Variants in ASRGL1 observed in about 807,000 individuals in gnomAD.
ASRGL1 encodes asparaginase and isoaspartyl peptidase 1, also known as isoaspartyl peptidase/L-asparaginase.
Under a neutral mutation model 22.4 loss-of-function variants are expected in ASRGL1, and 16 were observed. The observed-to-expected ratio is 0.71, with a 90% CI of 0.48 to 1.08. The LOEUF is 1.08. ASRGL1 is among the 50% of genes least tolerant of loss of function. The pLI, the probability that ASRGL1 is intolerant of heterozygous loss-of-function variation, is 0.00. For missense variants in ASRGL1, 412 were observed against 410.1 expected, an observed-to-expected ratio of 1.00 and a Z score of -0.04; for synonymous variants, 165 against 159.3, an observed-to-expected ratio of 1.04 and a Z score of -0.27.
chr11:62,397,664 CAAA>C (rs34199101), downstream of ASRGL1, among the ~76,000 whole-genome samples: 5 of 75,628 alleles, frequency 6.6e-5, no homozygotes, highest in African/African-American at 8.5e-5. Context: ...AACTCCGTCT[CAAA>C]AAAAAAAAAA....
At chr11:62,371,953 CAAAAAA>C (rs35892721) in intron 4 of ASRGL1, 56 of 423,148 alleles carry the variant, frequency 1.3e-4, no homozygotes, top group Middle Eastern at 6.2e-4. Flanking sequence ...GACTCCGTCT[CAAAAAA>C]AAAAAAAAAA....
chr11:62,339,725 AATT>A (rs1477645320), intron 2 of ASRGL1, among the ~76,000 whole-genome samples: 5 of 152,188 alleles, frequency 3.3e-5, no homozygotes, highest in Non-Finnish European at 7.3e-5. Context: ...AGTTAGGCAT[AATT>A]ATTATCCTCA....
At chr11:62,373,445 CTT>C (rs1565168527) in intron 4 of ASRGL1, among the ~76,000 whole-genome samples, 2 of 152,030 alleles carry the variant, frequency 1.3e-5, no homozygotes, top group African/African-American at 4.8e-5. Flanking sequence ...GAGGCAGAAA[CTT>C]TGAGCAATCT....
chr11:62,371,202 CAG>C, intron 4 of ASRGL1: 1 of 1,258,230 alleles, frequency 7.9e-7, no homozygotes, highest in Non-Finnish European at 1.0e-6. Flanking sequence ...CTGCCCACGC[CAG>C]GGCCCAGGAA....
chr11:62,370,612 T>C (rs1003356913), intron 4 of ASRGL1, among the ~76,000 whole-genome samples: 2 of 152,148 alleles, frequency 1.3e-5, no homozygotes, highest in Admixed American at 6.5e-5. Context: ...GTCTAAACTT[T>C]CTGTTAAGTC....
chr11:62,361,804 TAGTTACTC>T (rs1248509228), intron 4 of ASRGL1, among the ~76,000 whole-genome samples: 1 of 152,058 alleles, frequency 6.6e-6, no homozygotes, highest in African/African-American at 2.4e-5. Flanking sequence ...TTTAATAAAA[TAGTTACTC>T]AGTTCAACTA....
intron 4 of ASRGL1, chr11:62,373,281 C>T (rs182814901): frequency 1.0e-4 from 69 of 672,272 alleles, no homozygotes; most frequent in Non-Finnish European, 1.6e-4. Context: ...AAAAGTGGAC[C>T]GAAGGTGCAT....
In ASRGL1 at chr11:62,357,115, A is replaced by G; in HGVS notation, c.462A>G (p.Glu154=). The part of the protein sequence containing the change: ...NKKRLEKEKH[E]KGAQKTDCQK... ...AGCGCCTGGAAAAAGAGAAGCATGA[A>G]AAAGGTGCTCAGAAAACAGATTGTC... is the stretch of plus-strand genomic sequence containing the variant. Residue 154 remains glutamate (E), a synonymous_variant, in exon 4 of 7, where the codon GAA becomes GAG. Transcript: ENST00000415229. 1.2e-6 allele frequency: 2 copies of G among 1,613,964 alleles called. No homozygotes were observed. The highest frequency in any genetic ancestry group is 1.7e-6 in the Non-Finnish European group (2 of 1,179,978).
intron 4 of ASRGL1, 33 bp from the exon 5 acceptor site, chr11:62,389,100 G>A (rs74692811): frequency 0.12 from 180,662 of 1,557,642 alleles, 12,161 homozygotes; most frequent in African/African-American, 0.27. Context: ...CTCATTTTCA[G>A]CCTGTCACTT....
chr11:62,371,115 A>G (rs1473415225), intron 4 of ASRGL1: 6 of 793,600 alleles, frequency 7.6e-6, no homozygotes, highest in Non-Finnish European at 1.1e-5. Context: ...GTTTCTCATC[A>G]CTCCAACCAG....
At chr11:62,385,670 G>A (rs111827495) in intron 4 of ASRGL1, among the ~76,000 whole-genome samples, 1 of 151,922 alleles carries the variant, frequency 6.6e-6, no homozygotes, top group African/African-American at 2.4e-5. Flanking sequence ...TTTGAGACCA[G>A]CCTGACCAAC....
downstream of ASRGL1, among the ~76,000 whole-genome samples, chr11:62,396,185 G>A (rs1415563024): frequency 6.6e-6 from 1 of 151,830 alleles, no homozygotes; most frequent in Non-Finnish European, 1.5e-5. Flanking sequence ...GAGGAATGGG[G>A]ATGGGCAGAA....
intron 4 of ASRGL1, chr11:62,372,650 G>T: frequency 1.0e-6 from 1 of 972,658 alleles, no homozygotes; most frequent in South Asian, 1.3e-5. Context: ...TGGACTCCCA[G>T]AAGTGAGTCT....
At position 62,358,371 on chromosome 11, in the gene ASRGL1, G is replaced by GAAAA. The variant is rs34743439; in HGVS notation, c.491+1244_491+1247dup. Reference sequence around the variant, plus strand: ...GGCAACAAAGCGAGACTCCGTCTCAGAAAAAAAAAAAAAAAAAAAAGATTG... The same window carrying GAAAA: ...GGCAACAAAGCGAGACTCCGTCTCAGAAAAAAAAAAAAAAAAAAAAAAAAGATTG... On this transcript the variant is annotated intron_variant, in intron 4 of 6. Transcript: ENST00000415229. 3.0e-3 allele frequency among the ~76,000 whole-genome samples: 340 copies of GAAAA among 111,798 alleles called. 8 individuals are homozygous for GAAAA. The highest frequency in any genetic ancestry group is 4.8e-3 in the Non-Finnish European group (281 of 58,006). The allele number at this position is 111,798 out of a possible 152,430, so 73.3% of individuals were successfully genotyped here. A position where few individuals can be genotyped will look rare whatever the true frequency, so the allele number is the denominator to read the frequency against.
rs977443293 is a variant in ASRGL1 at position 62,356,162 on chromosome 11, G to A, written c.191-163G>A. On this transcript the variant is annotated intron_variant, in intron 2 of 6. Coordinates refer to ENST00000415229, the MANE Select transcript of ASRGL1 (RefSeq NM_001083926.2). Reference sequence around the variant, plus strand: ...TACACCTCCCAGACAGGGTGGTGGCGGGGCAGAGGGGCTCCTCACTTCCCA... The same window carrying A: ...TACACCTCCCAGACAGGGTGGTGGCAGGGCAGAGGGGCTCCTCACTTCCCA... Among the ~76,000 whole-genome samples the A allele has an allele frequency of 2.6e-5, 4 of 152,116 alleles. No individual in the cohort carries two copies. In the South Asian group the frequency reaches 6.2e-4, roughly 24 times the overall value.
intron 2 of ASRGL1, among the ~76,000 whole-genome samples, chr11:62,346,527 G>C (rs966074194): frequency 7.2e-5 from 11 of 152,180 alleles, no homozygotes; most frequent in African/African-American, 2.7e-4. Flanking sequence ...TGAAGCCCCT[G>C]ATTCTGTGAC....
At position 62,390,139 on chromosome 11, in the gene ASRGL1, CTG is replaced by C. The variant is rs377411495; in HGVS notation, c.610+891_610+892del. ...TCTCCTTGGCAAAAATCCCACCAAA[CTG>C]TGCCTGGTCAGTAGTGCAGCTTGCT... On this transcript the variant is annotated intron_variant, in intron 5 of 6. Coordinates refer to ENST00000415229, the MANE Select transcript of ASRGL1 (RefSeq NM_001083926.2). 4.6e-3 allele frequency among the ~76,000 whole-genome samples: 703 copies of C among 152,362 alleles called. 10 individuals are homozygous for C. The highest frequency in any genetic ancestry group is 0.016 in the African/African-American group (674 of 41,592).
At chr11:62,354,964 C>T (rs1011074282) in intron 2 of ASRGL1, among the ~76,000 whole-genome samples, 2 of 151,466 alleles carry the variant, frequency 1.3e-5, no homozygotes, top group South Asian at 2.1e-4. Flanking sequence ...TTTTTTGAAA[C>T]GGAGTCTCAC....
At chr11:62,397,819 A>G (rs1947449415), downstream of ASRGL1, among the ~76,000 whole-genome samples, 1 of 152,192 alleles carries the variant, frequency 6.6e-6, no homozygotes, top group Admixed American at 6.6e-5. Context: ...TGTTTCAGTT[A>G]ACACTCTCCA....
Sources: allele counts gnomAD v4.1 joint callset (sites outside exome capture counted in the v4.1 genomes callset), GRCh38; gene constraint gnomAD v4.1.1; transcripts MANE v1.5; gene names NCBI Gene and HGNC (gene_info 2026-07-23, HGNC 2026-07-21).